Variants in ARID4B observed in about 807,000 individuals in gnomAD.
ARID4B encodes AT-rich interaction domain 4B.
A neutral mutation model predicts 147.5 loss-of-function variants in ARID4B; 26 were observed. The ratio of observed to expected loss-of-function variants is 0.18; its 90% CI spans 0.13 to 0.24. The LOEUF (loss-of-function observed/expected upper bound fraction) is 0.24, where lower values mean the gene tolerates loss of function less well. ARID4B is among the 10% of genes least tolerant of loss of function. ARID4B has a pLI of 1.00. For synonymous variants in ARID4B, 512 were observed against 507.9 expected (o/e 1.01, Z -0.11); for missense variants, 1,179 against 1,511.5 (o/e 0.78, Z 3.65).
At chr1:235,317,209 A>G (rs1674500177) in intron 2 of ARID4B, among the ~76,000 whole-genome samples, 1 of 152,232 alleles carries the variant, frequency 6.6e-6, no homozygotes, top group Non-Finnish European at 1.5e-5. Context: ...CTTTAATGGT[A>G]AAAGTAGAAG....
intron 6 of ARID4B, among the ~76,000 whole-genome samples, chr1:235,247,306 C>T (rs188249592): frequency 2.0e-5 from 3 of 152,018 alleles, no homozygotes; most frequent in African/African-American, 7.2e-5. Context: ...GAAAGAGTAT[C>T]CATGAACTTA....
chr1:235,314,351 T>A (rs1454305645), intron 2 of ARID4B, among the ~76,000 whole-genome samples: 1 of 152,246 alleles, frequency 6.6e-6, no homozygotes, highest in Non-Finnish European at 1.5e-5. Flanking sequence ...TTTCATTTCA[T>A]ATTTACACAA....
At chr1:235,176,858 T>TGGCAGGAGTCTCCTGGAAGAGC (rs1267880001) in intron 21 of ARID4B, 1 of 470,748 alleles carries the variant, frequency 2.1e-6, no homozygotes, top group Admixed American at 2.3e-5. Context: ...GCAGTGGAGG[T>TGGCAGGAGTCTCCTGGAAGAGC]GGCAGGAGTC....
chr1:235,291,064 C>T (rs943571381), intron 2 of ARID4B, among the ~76,000 whole-genome samples: 2 of 152,296 alleles, frequency 1.3e-5, no homozygotes, highest in African/African-American at 4.8e-5. Flanking sequence ...AGTGCTACTG[C>T]ACTCCTGCCT....
chr1:235,301,773 G>T (rs1435445974), intron 2 of ARID4B, among the ~76,000 whole-genome samples: 1 of 151,178 alleles, frequency 6.6e-6, no homozygotes, highest in African/African-American at 2.4e-5. Context: ...GGAGTGCAGT[G>T]GCCTGATCTC....
chr1:235,257,254 A>G lies in ARID4B; in HGVS notation c.118-29T>C, dbSNP rs779035153. 4 of 1,502,446 alleles carry G rather than the reference A, an allele frequency of 2.7e-6. No individual in the cohort carries two copies. The East Asian group carries it at 9.0e-5, about 34-fold the overall frequency. 93.1% of individuals were successfully genotyped at this position (1,502,446 alleles called of 1,614,324 possible). A position where few individuals can be genotyped will look rare whatever the true frequency, so the allele number is the denominator to read the frequency against. On this transcript the variant is annotated intron_variant, in intron 3 of 23. Transcript: ENST00000264183. ...GAGATTATAAGTTTAATTAGCCACC[A>G]AAAATAAACCAAGCAACACAAGCTC...
At chr1:235,231,225 A>G in intron 9 of ARID4B, 36 bp from the exon 10 acceptor site, 1 of 1,179,474 alleles carries the variant, frequency 8.5e-7, no homozygotes, top group African/African-American at 1.6e-5. Context: ...GAAGAAAAAA[A>G]ACCCAAAATA....
chr1:235,191,162 T>C (rs1665073662), intron 19 of ARID4B, among the ~76,000 whole-genome samples: 1 of 152,072 alleles, frequency 6.6e-6, no homozygotes, highest in South Asian at 2.1e-4. Context: ...ACCATAAGCC[T>C]AGAATGAGAA....
intron 2 of ARID4B, among the ~76,000 whole-genome samples, chr1:235,319,266 C>G (rs1674652628): frequency 6.6e-6 from 1 of 152,218 alleles, no homozygotes; most frequent in South Asian, 2.1e-4. Context: ...CCTGTAATCC[C>G]AACACTTTGG....
intron 2 of ARID4B, among the ~76,000 whole-genome samples, chr1:235,315,766 C>T (rs1674382327): frequency 6.6e-6 from 1 of 152,198 alleles, no homozygotes; most frequent in South Asian, 2.1e-4. Context: ...TAAAGCTAAG[C>T]ATATCTGGTT....
chr1:235,268,774 C>T (rs971982547), intron 2 of ARID4B, among the ~76,000 whole-genome samples: 3 of 152,240 alleles, frequency 2.0e-5, no homozygotes, highest in South Asian at 2.1e-4. Flanking sequence ...CCTCGGCCCA[C>T]GTCTTGATTT....
In ARID4B at chr1:235,240,350, C is replaced by G. The variant is rs922877950; in HGVS notation, c.548G>C (p.Ser183Thr). 2 of 1,613,236 alleles carry G rather than the reference C, an allele frequency of 1.2e-6. No homozygotes were observed. Among genetic ancestry groups the G allele is most frequent in the Non-Finnish European group, 1.7e-6 (2 of 1,179,580 alleles). The change falls in exon 8 of 24, where the codon AGT (serine) becomes ACT (threonine). Residue 183 changes from serine (S) to threonine (T), a missense_variant. By Grantham distance (58) the Ser-to-Thr change is moderately conservative. Coordinates refer to ENST00000264183, the MANE Select transcript of ARID4B (RefSeq NM_016374.6). Reference protein sequence around the residue: ...LGKVVCVDYISLDKKKALWFP... With the variant: ...LGKVVCVDYITLDKKKALWFP... Reference sequence around the variant, plus strand: ...CCACAGTGCTTTCTTTTTATCCAAACTAATGTAATCTACACATACAACTTT... The same window carrying G: ...CCACAGTGCTTTCTTTTTATCCAAAGTAATGTAATCTACACATACAACTTT...
At chr1:235,198,910 GC>G (rs1260735647) in intron 17 of ARID4B, among the ~76,000 whole-genome samples, 1 of 152,152 alleles carries the variant, frequency 6.6e-6, no homozygotes, top group Admixed American at 6.5e-5. Flanking sequence ...GACCAGCCTG[GC>G]CAATATGGTG....
At chr1:235,250,535 T>C (rs1669578271) in intron 6 of ARID4B, among the ~76,000 whole-genome samples, 1 of 152,216 alleles carries the variant, frequency 6.6e-6, no homozygotes, top group South Asian at 2.1e-4. Context: ...TATCCAAGGA[T>C]AAGTTCCATG....
chr1:235,225,293 A>G (rs537745221), intron 11 of ARID4B, among the ~76,000 whole-genome samples: 56 of 152,334 alleles, frequency 3.7e-4, no homozygotes, highest in Middle Eastern at 6.8e-3. Flanking sequence ...CATAATCAGT[A>G]AAGTGGGGAA....
chr1:235,170,464 C>T (rs1209887192), intron 23 of ARID4B, among the ~76,000 whole-genome samples: 1 of 152,188 alleles, frequency 6.6e-6, no homozygotes, highest in East Asian at 1.9e-4. Flanking sequence ...GGAGGCCGGG[C>T]ACGGTGGCTC....
intron 9 of ARID4B, among the ~76,000 whole-genome samples, chr1:235,233,040 G>A (rs1170323839): frequency 6.6e-6 from 1 of 152,106 alleles, no homozygotes; most frequent in Non-Finnish European, 1.5e-5. Flanking sequence ...GTTTTGCCAT[G>A]TTAGCCAGGC....
chr1:235,301,763 G>A (rs1489301757), intron 2 of ARID4B, among the ~76,000 whole-genome samples: 2 of 150,606 alleles, frequency 1.3e-5, no homozygotes, highest in Admixed American at 1.3e-4. Flanking sequence ...CACCCAGGCT[G>A]GAGTGCAGTG....
At chr1:235,222,989 A>T (rs1390611574) in intron 13 of ARID4B, among the ~76,000 whole-genome samples, 177 bp downstream of exon 13, 1 of 152,084 alleles carries the variant, frequency 6.6e-6, no homozygotes, top group Non-Finnish European at 1.5e-5. Flanking sequence ...GGCCTAAAAA[A>T]TCTTTAAAAT....
Sources: allele counts gnomAD v4.1 joint callset (sites outside exome capture counted in the v4.1 genomes callset), GRCh38; gene constraint gnomAD v4.1.1; transcripts MANE v1.5; gene names NCBI Gene and HGNC (gene_info 2026-07-23, HGNC 2026-07-21).